Variants in HDAC9 observed in about 807,000 individuals in gnomAD.
HDAC9 encodes histone deacetylase 9.
In HDAC9, 41 loss-of-function variants were observed where a neutral mutation model predicts 139.4. That is an observed-to-expected ratio of 0.29 (90% CI 0.23 to 0.38). The LOEUF (loss-of-function observed/expected upper bound fraction) is 0.38. Among genes scored for constraint, HDAC9 ranks in the 10% least tolerant of loss-of-function variants. The pLI is 1.00. For synonymous variants in HDAC9, 517 were observed against 476.2 expected (o/e 1.09, Z -1.12); for missense variants, 1,147 against 1,297.0 (o/e 0.88, Z 1.78).
intron 1 of HDAC9, among the ~76,000 whole-genome samples, chr7:18,145,387 C>A (rs1038693593): frequency 4.9e-4 from 75 of 152,280 alleles, no homozygotes; most frequent in African/African-American, 1.7e-3. Flanking sequence ...TTCAAGTTGA[C>A]TGAGCTGGTA....
chr7:18,715,546 C>T (rs1480537975), intron 12 of HDAC9, among the ~76,000 whole-genome samples: 1 of 152,056 alleles, frequency 6.6e-6, no homozygotes, highest in Non-Finnish European at 1.5e-5. Flanking sequence ...AAATGTGATT[C>T]TCCTAATGTT....
chr7:18,753,258 C>T (rs1246118945), intron 14 of HDAC9, among the ~76,000 whole-genome samples: 1 of 151,960 alleles, frequency 6.6e-6, no homozygotes, highest in African/African-American at 2.4e-5. Flanking sequence ...ATTTTGAAGA[C>T]TCTTATTGAT....
At chr7:18,574,328 C>G (rs1218992579) in intron 2 of HDAC9, among the ~76,000 whole-genome samples, 1 of 152,356 alleles carries the variant, frequency 6.6e-6, no homozygotes, top group Middle Eastern at 3.4e-3. Context: ...CGGGTAGCTT[C>G]TATCGGCAAG....
chr7:18,386,212 T>C (rs940889235), intron 1 of HDAC9, among the ~76,000 whole-genome samples: 1 of 152,162 alleles, frequency 6.6e-6, no homozygotes, highest in African/African-American at 2.4e-5. Flanking sequence ...ATGTACCTTG[T>C]ATAGATCTTT....
At chr7:18,891,718 T>C (rs1261308574) in intron 22 of HDAC9, among the ~76,000 whole-genome samples, 1 of 152,084 alleles carries the variant, frequency 6.6e-6, no homozygotes, top group East Asian at 1.9e-4. Context: ...TCCCAATAGA[T>C]CACCAAAGGT....
intron 22 of HDAC9, among the ~76,000 whole-genome samples, chr7:18,900,059 C>G (rs1235413595): frequency 6.6e-6 from 1 of 151,898 alleles, no homozygotes; most frequent in Non-Finnish European, 1.5e-5. Context: ...ATATTCAAAA[C>G]AAAACAAAGA....
At chr7:18,530,276 A>G (rs1241441069) in intron 2 of HDAC9, among the ~76,000 whole-genome samples, 3 of 152,134 alleles carry the variant, frequency 2.0e-5, no homozygotes, top group Middle Eastern at 3.2e-3. Context: ...ACAAAACAAA[A>G]AAGAATGGAA....
intron 1 of HDAC9, among the ~76,000 whole-genome samples, chr7:18,451,387 G>GTGTGTGTGTATATATATA (rs1563001057): frequency 5.0e-5 from 7 of 138,752 alleles, no homozygotes; most frequent in African/African-American, 1.8e-4. Context: ...GTGTGTGTGT[G>GTGTGTGTGTATATATATA]TGTGTGTGTG....
chr7:18,813,490 A>G (rs779509288), intron 17 of HDAC9, among the ~76,000 whole-genome samples: 1 of 152,118 alleles, frequency 6.6e-6, no homozygotes, highest in East Asian at 1.9e-4. Context: ...GGTCATACTC[A>G]TAAAGGACAA....
At chr7:18,738,458 T>G (rs1260364694) in intron 13 of HDAC9, among the ~76,000 whole-genome samples, 3 of 152,178 alleles carry the variant, frequency 2.0e-5, no homozygotes, top group African/African-American at 7.2e-5. Context: ...AGGCCTGGTA[T>G]TGACAACATT....
chr7:18,289,286 A>G (rs918573688), upstream of HDAC9, among the ~76,000 whole-genome samples: 2 of 152,134 alleles, frequency 1.3e-5, no homozygotes, highest in Non-Finnish European at 2.9e-5. Context: ...TCTTAGATCT[A>G]ATTATAAAAG....
intron 12 of HDAC9, among the ~76,000 whole-genome samples, chr7:18,699,315 A>T (rs1436342500): frequency 6.6e-6 from 1 of 152,090 alleles, no homozygotes; most frequent in Non-Finnish European, 1.5e-5. Context: ...GTGCCTTAGA[A>T]TCTTAAAAGC....
chr7:18,757,731 G>T (rs1260108997), intron 14 of HDAC9, among the ~76,000 whole-genome samples: 4 of 152,038 alleles, frequency 2.6e-5, no homozygotes. Flanking sequence ...TCTATATCGT[G>T]TGTGTGCTCT....
chr7:18,798,644 C>T (rs919678749), intron 17 of HDAC9, among the ~76,000 whole-genome samples: 2 of 152,108 alleles, frequency 1.3e-5, no homozygotes, highest in Non-Finnish European at 2.9e-5. Flanking sequence ...AACTTACTTG[C>T]AAGGCTTTAT....
At chr7:18,961,782 G>T (rs898512932) in intron 24 of HDAC9, among the ~76,000 whole-genome samples, 1 of 152,018 alleles carries the variant, frequency 6.6e-6, no homozygotes, top group Non-Finnish European at 1.5e-5. Context: ...GCACATCAAG[G>T]TTCATTGTAT....
chr7:18,822,170 G>C (rs2078867), intron 17 of HDAC9, among the ~76,000 whole-genome samples: 53,415 of 151,996 alleles, frequency 0.35, 10,778 homozygotes, highest in South Asian at 0.66. Flanking sequence ...CCTCCCCAGA[G>C]GTTGGGCTGT....
intron 1 of HDAC9, among the ~76,000 whole-genome samples, chr7:18,092,927 T>C (rs1349061476): frequency 2.6e-5 from 4 of 152,194 alleles, no homozygotes; most frequent in African/African-American, 9.7e-5. Flanking sequence ...ATTCCACGCA[T>C]GAAAGACTTT....
At chr7:18,692,647 G>A (rs867773610) in intron 12 of HDAC9, among the ~76,000 whole-genome samples, 1 of 152,050 alleles carries the variant, frequency 6.6e-6, no homozygotes, top group South Asian at 2.1e-4. Context: ...TGTGGGCCAC[G>A]CAAACTAATG....
chr7:18,994,100 G>T lies in HDAC9; in HGVS notation c.3171-1923G>T, dbSNP rs1356383826. On this transcript the variant is annotated intron_variant, in intron 25 of 25. Coordinates refer to ENST00000686413, the MANE Select transcript of HDAC9 (RefSeq NM_178425.4). Reference sequence around the variant, plus strand: ...AGGTTGGACATGTGGAGAATTCACAGATCCTCCACCACAGAGACATGTGGA... The same window carrying T: ...AGGTTGGACATGTGGAGAATTCACATATCCTCCACCACAGAGACATGTGGA... Among the ~76,000 whole-genome samples the T allele has an allele frequency of 2.6e-5, 4 of 152,252 alleles. No homozygotes were observed. The East Asian group carries it at 7.8e-4, about 30-fold the overall frequency.
Sources: gnomAD v4.1 joint callset for allele counts (sites outside exome capture counted in the v4.1 genomes callset) on GRCh38, gnomAD v4.1.1 for gene constraint, MANE v1.5 for transcripts, NCBI Gene and HGNC (gene_info 2026-07-23, HGNC 2026-07-21) for gene names.